EPM2A: variants seen among roughly 807,000 people sequenced by gnomAD.
The protein encoded by EPM2A is laforin.
Under a neutral mutation model 26.5 loss-of-function variants are expected in EPM2A, and 21 were observed. That is an observed-to-expected ratio of 0.79 (90% CI 0.56 to 1.14). The LOEUF (loss-of-function observed/expected upper bound fraction) is 1.14, where lower values mean the gene tolerates loss of function less well. EPM2A is among the 50% of genes most tolerant of loss of function. The pLI is 0.00. For synonymous variants in EPM2A, 217 were observed against 177.6 expected (o/e 1.22, Z -1.76); for missense variants, 458 against 440.8 (o/e 1.04, Z -0.35).
At chr6:145,487,939 T>C (rs1464063103) in intron 4 of EPM2A, among the ~76,000 whole-genome samples, 1 of 152,182 alleles carries the variant, frequency 6.6e-6, no homozygotes, top group Non-Finnish European at 1.5e-5. Context: ...TCCAGGGTTT[T>C]TATAGTTTTG....
chr6:145,668,239 T>C lies in EPM2A; in HGVS notation c.476+17883A>G, dbSNP rs145168760. Among the ~76,000 whole-genome samples the C allele has an allele frequency of 2.8e-3, 421 of 152,004 alleles. 5 individuals carry two copies. The highest frequency in any genetic ancestry group is 9.7e-3 in the African/African-American group (402 of 41,462). On this transcript the variant is annotated intron_variant, in intron 2 of 3. Coordinates refer to ENST00000367519, the MANE Select transcript of EPM2A (RefSeq NM_005670.4). ...AGAAGTCTTATAGAAGAAAGGGGTG[T>C]TGGGACAGGATCTGCAATCTAAGAA... is the stretch of plus-strand genomic sequence containing the variant.
intron 2 of EPM2A, among the ~76,000 whole-genome samples, chr6:145,582,850 CTTTT>C (rs1781134155): frequency 6.6e-6 from 1 of 152,152 alleles, no homozygotes; most frequent in Admixed American, 6.5e-5. Flanking sequence ...TTTGCTACTT[CTTTT>C]TTATTATTTT....
At chr6:145,418,696 G>A (rs765607979) in intron 4 of EPM2A, among the ~76,000 whole-genome samples, 15 of 152,200 alleles carry the variant, frequency 9.9e-5, no homozygotes, top group African/African-American at 2.4e-4. Context: ...ATTCCACTCC[G>A]GCCAAAGGAT....
chr6:145,628,193 T>C (rs1283243449), intron 3 of EPM2A: 1 of 166,796 alleles, frequency 6.0e-6, no homozygotes, highest in Non-Finnish European at 1.3e-5. Flanking sequence ...CATACACTCA[T>C]TTTCATTTGT....
intron 2 of EPM2A, among the ~76,000 whole-genome samples, chr6:145,614,979 GCA>G (rs908033476): frequency 5.9e-5 from 9 of 152,174 alleles, no homozygotes; most frequent in African/African-American, 2.2e-4. Flanking sequence ...ATAAAGGGAA[GCA>G]CAGTCAAACA....
intron 4 of EPM2A, among the ~76,000 whole-genome samples, chr6:145,395,337 T>A (rs1174590811): frequency 6.6e-6 from 1 of 152,058 alleles, no homozygotes; most frequent in East Asian, 1.9e-4. Context: ...CAAATTATGA[T>A]CTCCCCTTTT....
chr6:145,653,900 G>A (rs1778069457), intron 2 of EPM2A, among the ~76,000 whole-genome samples: 1 of 152,148 alleles, frequency 6.6e-6, no homozygotes, highest in Non-Finnish European at 1.5e-5. Flanking sequence ...TGGGTATCAT[G>A]GCTTAGCCCA....
chr6:145,426,978 C>T (rs1192267943), intron 4 of EPM2A, among the ~76,000 whole-genome samples: 1 of 152,070 alleles, frequency 6.6e-6, no homozygotes, highest in East Asian at 1.9e-4. Context: ...ATAGTTCATT[C>T]TGAATAATAA....
intron 2 of EPM2A, among the ~76,000 whole-genome samples, chr6:145,529,973 A>C (rs976259845): frequency 6.6e-6 from 1 of 152,180 alleles, no homozygotes. Context: ...TTATGTGATA[A>C]ATTTGGTAAG....
At chr6:145,489,930 A>G (rs1779732787) in intron 4 of EPM2A, 2 of 1,361,774 alleles carry the variant, frequency 1.5e-6, no homozygotes, top group Non-Finnish European at 2.1e-6. Context: ...CCACTTCTAG[A>G]TAACTTATTT....
intron 4 of EPM2A, among the ~76,000 whole-genome samples, chr6:145,483,970 T>C (rs1779640063): frequency 6.6e-6 from 1 of 152,158 alleles, no homozygotes. Flanking sequence ...CTAACAAATA[T>C]ATCTTTCTAA....
intron 2 of EPM2A, among the ~76,000 whole-genome samples, chr6:145,554,199 G>A (rs1473211848): frequency 2.6e-5 from 4 of 151,876 alleles, no homozygotes; most frequent in Non-Finnish European, 4.4e-5. Context: ...CCCTAACGAT[G>A]GAAGTACAGA....
At chr6:145,652,472 C>T (rs1380719343) in intron 2 of EPM2A, among the ~76,000 whole-genome samples, 2 of 152,042 alleles carry the variant, frequency 1.3e-5, no homozygotes, top group Non-Finnish European at 1.5e-5. Flanking sequence ...CAAGACAGAA[C>T]ATATGAACTT....
chr6:145,599,822 A>G (rs1018489513), intron 2 of EPM2A, among the ~76,000 whole-genome samples: 1 of 152,062 alleles, frequency 6.6e-6, no homozygotes, highest in African/African-American at 2.4e-5. Flanking sequence ...AAAATAAACT[A>G]TCATCTGTAA....
intron 2 of EPM2A, among the ~76,000 whole-genome samples, chr6:145,546,611 T>A (rs1780586327): frequency 6.6e-6 from 1 of 152,198 alleles, no homozygotes; most frequent in South Asian, 2.1e-4. Context: ...ATCATTGTCA[T>A]GATTGCTAAA....
chr6:145,623,941 A>G (rs1160190562), downstream of EPM2A, among the ~76,000 whole-genome samples: 2 of 152,214 alleles, frequency 1.3e-5, no homozygotes, highest in East Asian at 3.8e-4. Context: ...AGCAGCTGCA[A>G]GTGTATTTCC....
intron 2 of EPM2A, among the ~76,000 whole-genome samples, chr6:145,552,964 T>G (rs932725850): frequency 7.2e-5 from 11 of 152,086 alleles, no homozygotes; most frequent in Admixed American, 3.9e-4. Context: ...TTAAAATACT[T>G]TACATCTGAT....
At chr6:145,628,680 G>A (rs1485081114) in intron 3 of EPM2A, 2 of 152,246 alleles carry the variant, frequency 1.3e-5, no homozygotes, top group African/African-American at 4.8e-5. Flanking sequence ...TGGCCCGAAA[G>A]GATCCTCCGA....
intron 2 of EPM2A, among the ~76,000 whole-genome samples, chr6:145,608,707 TAC>T (rs1775324701): frequency 6.6e-6 from 1 of 152,090 alleles, no homozygotes; most frequent in African/African-American, 2.4e-5. Context: ...CAAAGAGCCA[TAC>T]ACTGTGCTGA....
Sources: allele counts gnomAD v4.1 joint callset (sites outside exome capture counted in the v4.1 genomes callset), GRCh38; gene constraint gnomAD v4.1.1; transcripts MANE v1.5; gene names NCBI Gene and HGNC (gene_info 2026-07-23, HGNC 2026-07-21).